The following BSPRY variants were observed in gnomAD, a reference collection of about 807,000 sequenced individuals.
BSPRY encodes B box and SPRY domain-containing protein.
A neutral mutation model predicts 38.0 loss-of-function variants in BSPRY; 33 were observed. That is an observed-to-expected ratio of 0.87 (90% CI 0.66 to 1.16). The LOEUF is 1.16. BSPRY is among the 50% of genes most tolerant of loss of function. BSPRY has a pLI of 0.00. For missense variants in BSPRY, 523 were observed against 533.2 expected (o/e 0.98, Z 0.19); for synonymous variants, 224 against 228.5 (o/e 0.98, Z 0.18).
chr9:113,351,712 GC>G (rs1833974872), intron 1 of BSPRY, among the ~76,000 whole-genome samples: 1 of 152,142 alleles, frequency 6.6e-6, no homozygotes, highest in Non-Finnish European at 1.5e-5. Flanking sequence ...CAAAAGCAGG[GC>G]CCTGGCCCAT....
chr9:113,369,515 G>T, intron 5 of BSPRY, 101 bp from the exon 6 acceptor site: 1 of 1,225,900 alleles, frequency 8.2e-7, no homozygotes, highest in Non-Finnish European at 1.1e-6. Context: ...GCTTATATGA[G>T]GTCACCATGC....
At chr9:113,361,699 T>A (rs1054969817) in intron 3 of BSPRY, among the ~76,000 whole-genome samples, 1 of 152,210 alleles carries the variant, frequency 6.6e-6, no homozygotes, top group Non-Finnish European at 1.5e-5. Flanking sequence ...GAGAGAACAC[T>A]GTGCTCCGGG....
At chr9:113,351,241 A>G (rs1012254010) in intron 1 of BSPRY, among the ~76,000 whole-genome samples, 1 of 152,072 alleles carries the variant, frequency 6.6e-6, no homozygotes, top group African/African-American at 2.4e-5. Flanking sequence ...CTGAGGCCGT[A>G]TGCATATTTA....
At chr9:113,360,371 T>C in intron 2 of BSPRY, 136 bp from the exon 3 acceptor site, 1 of 804,216 alleles carries the variant, frequency 1.2e-6, no homozygotes, top group Non-Finnish European at 2.0e-6. Flanking sequence ...GCTTACATGC[T>C]ATTATTTCCA....
chr9:113,364,954 T>G (rs1413851538), intron 4 of BSPRY, among the ~76,000 whole-genome samples: 1 of 152,026 alleles, frequency 6.6e-6, no homozygotes, highest in Non-Finnish European at 1.5e-5. Context: ...CTTGTTTTTT[T>G]TTTTTTTTTT....
Position 113,360,615 on chromosome 9 carries a change from G to T in BSPRY, c.409G>T (p.Glu137Ter). Residue 137 changes from glutamate to a stop codon, truncating the protein, a stop_gained, in exon 3 of 6, where the codon GAG becomes TAG. Coordinates refer to ENST00000374183, the MANE Select transcript of BSPRY (RefSeq NM_017688.3). LOFTEE classifies it high-confidence loss of function. ...RLLEQVHGEEERAHQSILTQR... is the reference protein window; with the variant it reads ...RLLEQVHGEE ...ACTGGAACAGGTGCATGGCGAAGAGGAGCGGGCCCACCAGAGCATCCTGAC... is the reference window on the plus strand; with the variant it reads ...ACTGGAACAGGTGCATGGCGAAGAGTAGCGGGCCCACCAGAGCATCCTGAC... The T allele has an allele frequency of 6.2e-7, 1 of 1,609,018 alleles. No homozygotes were observed. Among genetic ancestry groups the T allele is most frequent in the Non-Finnish European group, 8.5e-7 (1 of 1,178,790 alleles).
chr9:113,368,988 AT>A (rs35471203), intron 5 of BSPRY, among the ~76,000 whole-genome samples: 27,247 of 145,704 alleles, frequency 0.19, 2,827 homozygotes, highest in East Asian at 0.39. Context: ...TAATAGACTG[AT>A]TTTTTTTTTT....
chr9:113,361,022 A>T (rs7033437), intron 3 of BSPRY, among the ~76,000 whole-genome samples: 2 of 151,918 alleles, frequency 1.3e-5, no homozygotes, highest in South Asian at 2.1e-4. Context: ...ATATCTGATC[A>T]GGTTCCTCAT....
intron 1 of BSPRY, among the ~76,000 whole-genome samples, chr9:113,350,742 G>T (rs1229438464): frequency 6.6e-6 from 1 of 152,068 alleles, no homozygotes; most frequent in African/African-American, 2.4e-5. Flanking sequence ...CTCGGGAGGG[G>T]TTCAGTTTTT....
chr9:113,364,863 C>T (rs1323885196), intron 4 of BSPRY, among the ~76,000 whole-genome samples: 1 of 151,760 alleles, frequency 6.6e-6, no homozygotes. Context: ...CAACTGTTGC[C>T]AATTGTGCAA....
chr9:113,354,414 A>G (rs940623912), intron 2 of BSPRY, 76 bp downstream of exon 2: 2 of 1,214,738 alleles, frequency 1.6e-6, no homozygotes, highest in Admixed American at 3.8e-5. Flanking sequence ...GGGCAAGTCT[A>G]GGGTCCCTTA....
At position 113,360,564 on chromosome 9, in the gene BSPRY, CTT is replaced by C. The variant is rs1304455837; in HGVS notation, c.360_361del (p.Cys121ArgfsTer37). The C allele has an allele frequency of 1.9e-6, 3 of 1,607,986 alleles. No individual in the cohort carries two copies. The highest frequency in any genetic ancestry group is 1.7e-5 in the Admixed American group (1 of 59,090). On this transcript the variant is annotated frameshift_variant, in exon 3 of 6. Transcript: ENST00000374183. LOFTEE classifies it high-confidence loss of function. ...VIQRLSLVRS[L>X]CESEEQRLLE... ...CCAGCGGTTGAGTCTGGTGAGGAGT[CTT>C]TGCGAGAGCGAGGAGCAGCGGTTAC...
At chr9:113,355,769 G>A (rs1037968233) in intron 2 of BSPRY, among the ~76,000 whole-genome samples, 5 of 150,450 alleles carry the variant, frequency 3.3e-5, no homozygotes, top group Non-Finnish European at 4.4e-5. Context: ...CGCCCACCAC[G>A]ACACCCAGCT....
chr9:113,362,660 C>A (rs1213168786), intron 4 of BSPRY, among the ~76,000 whole-genome samples: 1 of 152,204 alleles, frequency 6.6e-6, no homozygotes, highest in Non-Finnish European at 1.5e-5. Context: ...AAGGTAGTCA[C>A]CCTGTTGGAG....
At position 113,370,230 on chromosome 9, in the gene BSPRY, G is replaced by A. The variant is rs1834325865; in HGVS notation, c.*88G>A. The A allele has an allele frequency of 2.1e-6, 3 of 1,453,068 alleles. No individual in the cohort carries two copies. Among genetic ancestry groups the A allele is most frequent in the South Asian group, 1.4e-5 (1 of 72,412 alleles). The allele number at this position is 1,453,068 out of a possible 1,614,324, so 90.0% of individuals were successfully genotyped here. A position where few individuals can be genotyped will look rare whatever the true frequency, so the allele number is the denominator to read the frequency against. On this transcript the variant is annotated 3_prime_UTR_variant, in exon 6 of 6. Transcript: ENST00000374183. This position sits in a 1 kb window ranked among gnomAD's most constrained non-coding sequence, Gnocchi z 4.8. ...TGTGCTTTTCCCAAATGATGTGTGT[G>A]GTGTTTCTAAGAGAAACAGGGCCCA...
intron 4 of BSPRY, among the ~76,000 whole-genome samples, chr9:113,367,595 A>G (rs1834272139): frequency 6.6e-6 from 1 of 152,226 alleles, no homozygotes; most frequent in African/African-American, 2.4e-5. Flanking sequence ...ACTATCGTGC[A>G]GGGGTTCCAG....
At chr9:113,362,748 G>C (rs1266687403) in intron 4 of BSPRY, among the ~76,000 whole-genome samples, 1 of 152,188 alleles carries the variant, frequency 6.6e-6, no homozygotes, top group East Asian at 1.9e-4. Flanking sequence ...CTGGAACCAG[G>C]GGTTGGACCC....
intron 2 of BSPRY, among the ~76,000 whole-genome samples, chr9:113,356,653 A>G (rs1414350164): frequency 2.0e-5 from 3 of 152,222 alleles, no homozygotes; most frequent in African/African-American, 7.2e-5. Flanking sequence ...TGGCAAAGCT[A>G]GTGAGAAGTG....
intron 5 of BSPRY, among the ~76,000 whole-genome samples, chr9:113,368,962 C>T (rs1440090908): frequency 6.6e-6 from 1 of 151,648 alleles, no homozygotes; most frequent in East Asian, 1.9e-4. Context: ...TTTCACAATT[C>T]GTGGAACAGT....
Sources: gnomAD v4.1 joint callset for allele counts (sites outside exome capture counted in the v4.1 genomes callset) on GRCh38, gnomAD v4.1.1 for gene constraint, Gnocchi (gnomAD v3.1) non-coding constraint, MANE v1.5 for transcripts, NCBI Gene and HGNC (gene_info 2026-07-23, HGNC 2026-07-21) for gene names.